SPATA13: variants seen among roughly 807,000 people sequenced by gnomAD.
The protein encoded by SPATA13 is spermatogenesis associated 13, also known as spermatogenesis-associated protein 13.
In SPATA13, 50 loss-of-function variants were observed where a neutral mutation model predicts 104.0. The ratio of observed to expected loss-of-function variants is 0.48; its 90% CI spans 0.38 to 0.61. The LOEUF (loss-of-function observed/expected upper bound fraction) is 0.61. Among genes scored for constraint, SPATA13 ranks in the 20% least tolerant of loss-of-function variants. The probability of loss-of-function intolerance (pLI) is 0.00; values close to 1 mark genes in which losing one functional copy is unlikely to be tolerated. For missense variants in SPATA13, 1,524 were observed against 1,690.6 expected (o/e 0.90, Z 1.73); for synonymous variants, 606 against 667.5 (o/e 0.91, Z 1.42).
At chr13:24,042,523 C>T (rs1453609338) in intron 3 of SPATA13, among the ~76,000 whole-genome samples, 1 of 152,184 alleles carries the variant, frequency 6.6e-6, no homozygotes, top group East Asian at 1.9e-4. Flanking sequence ...AGTGCACGTC[C>T]ACCACCGTGG....
At position 24,176,868 on chromosome 13, in the gene SPATA13, C is replaced by T. The variant is rs370485930; in HGVS notation, c.-112+15936C>T. On this transcript the variant is annotated intron_variant, in intron 1 of 12. Coordinates refer to ENST00000382108, the MANE Select transcript of SPATA13 (RefSeq NM_001166271.3). Reference sequence around the variant, plus strand: ...AACCTCCGCCTCCTGGGTTCAAGGGCTTCTTGTGCCTCAGCTTTCTGAGTA... The same window carrying T: ...AACCTCCGCCTCCTGGGTTCAAGGGTTTCTTGTGCCTCAGCTTTCTGAGTA... 1.1e-4 allele frequency among the ~76,000 whole-genome samples: 16 copies of T among 152,180 alleles called. 1 individual carries two copies. The highest frequency in any genetic ancestry group is 3.3e-4 in the Admixed American group (5 of 15,282).
chr13:24,004,096 A>AGGGACTT (rs1331986873), intron 2 of SPATA13, among the ~76,000 whole-genome samples: 1 of 152,180 alleles, frequency 6.6e-6, no homozygotes, highest in Non-Finnish European at 1.5e-5. Context: ...AAGGTCGTTC[A>AGGGACTT]GGGACTTGGG....
chr13:24,294,453 C>G (rs1414929003), intron 9 of SPATA13, among the ~76,000 whole-genome samples: 1 of 152,316 alleles, frequency 6.6e-6, no homozygotes, highest in East Asian at 1.9e-4. Context: ...GTGACTAAAA[C>G]TTACTTATTT....
Position 23,996,679 on chromosome 13 carries a change from A to G in SPATA13, c.-147+12746A>G, listed in dbSNP as rs370418510. On this transcript the variant is annotated intron_variant, in intron 2 of 14. Coordinates refer to the SPATA13 transcript ENST00000424834. Reference sequence around the variant, plus strand: ...CTTACAGGAGGATGTTTACACATCAATGAGGTTACAGTTCACTATGCACAA... The same window carrying G: ...CTTACAGGAGGATGTTTACACATCAGTGAGGTTACAGTTCACTATGCACAA... Among the ~76,000 whole-genome samples, 106 of 152,352 alleles carry G rather than the reference A, an allele frequency of 7.0e-4. 1 individual carries two copies. The highest frequency in any genetic ancestry group is 6.8e-3 in the Middle Eastern group (2 of 294).
intron 1 of SPATA13, among the ~76,000 whole-genome samples, chr13:23,980,127 T>C (rs940450324): frequency 1.3e-5 from 2 of 152,188 alleles, no homozygotes; most frequent in Middle Eastern, 3.4e-3. Context: ...ATGGCCGAGC[T>C]TGCAGTGAGC....
At chr13:24,157,509 C>T (rs1882297160), upstream of SPATA13, among the ~76,000 whole-genome samples, 1 of 152,084 alleles carries the variant, frequency 6.6e-6, no homozygotes, top group African/African-American at 2.4e-5. Context: ...ACCGTGTTAG[C>T]CAGGATGGTC....
chr13:24,243,421 G>C (rs1341809386), intron 2 of SPATA13, among the ~76,000 whole-genome samples: 9 of 152,214 alleles, frequency 5.9e-5, no homozygotes, highest in Non-Finnish European at 8.8e-5. Flanking sequence ...TCTAAGGGAA[G>C]GAACATCTGC....
intron 3 of SPATA13, among the ~76,000 whole-genome samples, chr13:24,065,346 G>C (rs143024769): frequency 2.6e-5 from 4 of 152,232 alleles, no homozygotes; most frequent in African/African-American, 7.2e-5. Flanking sequence ...GGTAGCAGAT[G>C]GGAGGCAGAG....
At chr13:24,044,875 G>T (rs1429397120) in intron 3 of SPATA13, among the ~76,000 whole-genome samples, 1 of 147,326 alleles carries the variant, frequency 6.8e-6, no homozygotes, top group Non-Finnish European at 1.5e-5. Context: ...TAGAACGGTG[G>T]TTTCCAGAGG....
chr13:24,249,370 A>T (rs1346058571), intron 2 of SPATA13, 107 bp from the exon 3 acceptor site: 1 of 1,367,188 alleles, frequency 7.3e-7, no homozygotes, highest in African/African-American at 1.5e-5. Flanking sequence ...CAAGTAAATC[A>T]AGAAAACCCG....
intron 3 of SPATA13, among the ~76,000 whole-genome samples, chr13:24,117,266 A>G (rs1325666): frequency 0.68 from 102,919 of 152,008 alleles, 35,497 homozygotes; most frequent in East Asian, 0.93. Flanking sequence ...GTATCTAATA[A>G]AGACATAGTG....
intron 3 of SPATA13, among the ~76,000 whole-genome samples, chr13:24,120,849 G>A (rs961600063): frequency 6.6e-6 from 1 of 152,198 alleles, no homozygotes; most frequent in African/African-American, 2.4e-5. Context: ...AAACATGGTT[G>A]GAGGGAAAAG....
At chr13:24,001,567 C>T (rs1468429007) in intron 2 of SPATA13, among the ~76,000 whole-genome samples, 1 of 151,754 alleles carries the variant, frequency 6.6e-6, no homozygotes, top group Non-Finnish European at 1.5e-5. Flanking sequence ...AGGGTCAATC[C>T]CATGAATGCC....
chr13:24,231,508 G>T (rs192004085), intron 2 of SPATA13, among the ~76,000 whole-genome samples: 1 of 152,298 alleles, frequency 6.6e-6, no homozygotes, highest in Non-Finnish European at 1.5e-5. Context: ...TTCATCTGTT[G>T]ATGGAGATGG....
intron 4 of SPATA13, among the ~76,000 whole-genome samples, chr13:24,262,586 A>G (rs534318027): frequency 6.6e-6 from 1 of 152,350 alleles, no homozygotes; most frequent in South Asian, 2.1e-4. Context: ...GTGAGAGTGT[A>G]ATCCCAATCC....
At chr13:24,238,658 C>T (rs1268088070) in intron 2 of SPATA13, among the ~76,000 whole-genome samples, 5 of 152,104 alleles carry the variant, frequency 3.3e-5, no homozygotes, top group Non-Finnish European at 7.4e-5. Flanking sequence ...AGGGGACAGG[C>T]GGCTGAAGTC....
intron 3 of SPATA13, among the ~76,000 whole-genome samples, chr13:24,076,744 A>G (rs1434017356): frequency 6.6e-6 from 1 of 151,774 alleles, no homozygotes; most frequent in East Asian, 1.9e-4. Flanking sequence ...CCTAGAGACA[A>G]AAGAGAGTCA....
intron 2 of SPATA13, among the ~76,000 whole-genome samples, chr13:24,239,902 A>G (rs1872750246): frequency 6.6e-6 from 1 of 151,884 alleles, no homozygotes; most frequent in African/African-American, 2.4e-5. Flanking sequence ...ATTCTTTAGC[A>G]TGTGTTTCAG....
intron 3 of SPATA13, among the ~76,000 whole-genome samples, chr13:24,077,843 C>T (rs1879385529): frequency 6.6e-6 from 1 of 152,066 alleles, no homozygotes; most frequent in Non-Finnish European, 1.5e-5. Flanking sequence ...GGGAGGTGGT[C>T]CCACTGCTGT....
Sources: allele counts gnomAD v4.1 joint callset (sites outside exome capture counted in the v4.1 genomes callset), GRCh38; gene constraint gnomAD v4.1.1; transcripts MANE v1.5; gene names NCBI Gene and HGNC (gene_info 2026-07-23, HGNC 2026-07-21).